The following SHROOM3 variants were observed in gnomAD, a reference collection of about 807,000 sequenced individuals.
SHROOM3 encodes protein Shroom3.
Under a neutral mutation model 138.6 loss-of-function variants are expected in SHROOM3, and 47 were observed. The ratio of observed to expected loss-of-function variants is 0.34; its 90% CI spans 0.27 to 0.43. SHROOM3 has a LOEUF of 0.43. Among genes scored for constraint, SHROOM3 ranks in the 20% least tolerant of loss-of-function variants. The pLI is 1.00. For missense variants in SHROOM3, 2,491 were observed against 2,596.5 expected, an observed-to-expected ratio of 0.96 and a Z score of 0.88; for synonymous variants, 1,062 against 1,063.3, an observed-to-expected ratio of 1.00 and a Z score of 0.02.
At chr4:76,446,162 A>C (rs1052334612) in intron 1 of SHROOM3, among the ~76,000 whole-genome samples, 3 of 152,190 alleles carry the variant, frequency 2.0e-5, no homozygotes, top group Admixed American at 6.5e-5. Flanking sequence ...CTATAGGTGG[A>C]GAGACTGGAC....
chr4:76,582,554 T>C (rs1179599133), intron 2 of SHROOM3, among the ~76,000 whole-genome samples: 3 of 152,204 alleles, frequency 2.0e-5, no homozygotes, highest in Non-Finnish European at 4.4e-5. Flanking sequence ...TGGTCTGCAG[T>C]TCATCAACAG....
chr4:76,562,751 A>G (rs185393673), intron 2 of SHROOM3, among the ~76,000 whole-genome samples: 29 of 152,332 alleles, frequency 1.9e-4, no homozygotes, highest in Non-Finnish European at 3.5e-4. Flanking sequence ...TTTGAGATTA[A>G]CCACCTGATG....
chr4:76,742,683 C>G (rs1308690540), intron 5 of SHROOM3, among the ~76,000 whole-genome samples: 2 of 152,336 alleles, frequency 1.3e-5, no homozygotes, highest in South Asian at 2.1e-4. Flanking sequence ...GCTGAGCATT[C>G]TGACTCCTAG....
At chr4:76,772,004 A>G (rs927065875) in intron 10 of SHROOM3, among the ~76,000 whole-genome samples, 2 of 151,434 alleles carry the variant, frequency 1.3e-5, no homozygotes, top group South Asian at 4.2e-4. Context: ...TGCACACAGT[A>G]TGTGTGTGTA....
At position 76,770,892 on chromosome 4, in the gene SHROOM3, A is replaced by G. The variant is rs775726676; in HGVS notation, c.5616A>G (p.Glu1872=). The change falls in exon 10 of 11, where the codon GAA becomes GAG. Residue 1872 remains glutamate (E), a synonymous_variant. Transcript: ENST00000296043. ...LSGLGEDASN[E]ERSSLYEKRK... ...GCCTTGGTGAAGATGCCAGTAATGA[A>G]GAAAGGGTAGGTGGCCTAGTGATGC... 8.7e-6 allele frequency: 14 copies of G among 1,614,244 alleles called. No homozygotes were observed. The highest frequency in any genetic ancestry group is 1.2e-5 in the Non-Finnish European group (14 of 1,180,044).
intron 2 of SHROOM3, chr4:76,628,729 G>A (rs1406435057): frequency 6.6e-6 from 1 of 151,884 alleles, no homozygotes; most frequent in Non-Finnish European, 1.5e-5. Context: ...AATATTTGAA[G>A]GGCATTTAAA....
In SHROOM3 at chr4:76,740,310, G is replaced by T; in HGVS notation, c.2137G>T (p.Gly713Trp). ...TGGGAGGAAAGCCGCTCCTGACCTC[G>T]GGAGCCATCTGGACCGGCAGGTTTC... ...DPGRKAAPDLGSHLDRQVSYP... is the reference protein window; with the variant it reads ...DPGRKAAPDLWSHLDRQVSYP... The change falls in exon 5 of 11, where the codon GGG becomes TGG. Residue 713 changes from glycine (G) to tryptophan (W), a missense_variant. By Grantham distance (184) the Gly-to-Trp change is radical. Transcript: ENST00000296043. This position sits in a 1 kb window ranked among gnomAD's most constrained non-coding sequence, Gnocchi z 4.0. 1 of 1,613,136 alleles carries T rather than the reference G, an allele frequency of 6.2e-7. No homozygotes were observed. Among genetic ancestry groups the T allele is most frequent in the African/African-American group, 1.3e-5 (1 of 75,072 alleles).
At chr4:76,688,917 G>A in intron 2 of SHROOM3, 7 of 984,802 alleles carry the variant, frequency 7.1e-6, no homozygotes, top group Non-Finnish European at 7.2e-6. Flanking sequence ...ACTGAGAAGA[G>A]GGCATGCTGA....
Position 76,754,654 on chromosome 4 carries a change from G to A in SHROOM3, c.4171G>A (p.Gly1391Ser). 2 of 1,614,162 alleles carry A rather than the reference G, an allele frequency of 1.2e-6. No homozygotes were observed. Among genetic ancestry groups the A allele is most frequent in the South Asian group, 2.2e-5 (2 of 91,086 alleles). ...YTPAMMHRSN[G>S]HTLTQPPGPR... is the part of the protein sequence containing the mutation. ...CCCTGCCATGATGCACAGAAGCAATGGTCACACCCTGACCCAGCCTCCCGG... is the reference window on the plus strand; with the variant it reads ...CCCTGCCATGATGCACAGAAGCAATAGTCACACCCTGACCCAGCCTCCCGG... The change falls in exon 7 of 11, where the codon GGT (glycine) becomes AGT (serine). Residue 1391 changes from glycine (G) to serine (S), a missense_variant. By Grantham distance (56) the Gly-to-Ser change is moderately conservative. Coordinates refer to ENST00000296043, the MANE Select transcript of SHROOM3 (RefSeq NM_020859.4).
intron 2 of SHROOM3, among the ~76,000 whole-genome samples, chr4:76,596,581 AACACACACACACACACACAC>A (rs58214296): frequency 2.2e-5 from 3 of 138,224 alleles, no homozygotes; most frequent in East Asian, 4.4e-4. Flanking sequence ...GGTACAGAGA[AACACACACACACACACACAC>A]ACACACACAC....
At position 76,523,420 on chromosome 4, in the gene SHROOM3, A is replaced by G. The variant is rs555272565; in HGVS notation, c.169-32189A>G. ...ACCCAGTAAGGTATATAAAGATATTACAGAGGGAGAGGGAGGGTGTATAGG... is the reference window on the plus strand; with the variant it reads ...ACCCAGTAAGGTATATAAAGATATTGCAGAGGGAGAGGGAGGGTGTATAGG... On this transcript the variant is annotated intron_variant, in intron 1 of 10. Coordinates refer to ENST00000296043, the MANE Select transcript of SHROOM3 (RefSeq NM_020859.4). Among the ~76,000 whole-genome samples, 17 of 152,310 alleles carry G rather than the reference A, an allele frequency of 1.1e-4. No individual in the cohort carries two copies. In the East Asian group the frequency reaches 3.3e-3, roughly 29 times the overall value.
intron 3 of SHROOM3, among the ~76,000 whole-genome samples, chr4:76,725,710 C>T (rs1720686394): frequency 6.6e-6 from 1 of 152,168 alleles, no homozygotes; most frequent in African/African-American, 2.4e-5. Flanking sequence ...TTTCGTGCTA[C>T]CTACTTGCTT....
intron 2 of SHROOM3, among the ~76,000 whole-genome samples, chr4:76,608,235 A>G (rs890774036): frequency 6.6e-6 from 1 of 152,236 alleles, no homozygotes; most frequent in Non-Finnish European, 1.5e-5. Context: ...CACAGTTTTT[A>G]GCTCTCGAGG....
intron 1 of SHROOM3, among the ~76,000 whole-genome samples, chr4:76,474,206 C>T (rs1485202616): frequency 6.6e-6 from 1 of 152,108 alleles, no homozygotes; most frequent in East Asian, 1.9e-4. Flanking sequence ...TTGTATAATT[C>T]CATTTATAAG....
At chr4:76,719,920 T>G (rs192029788) in intron 3 of SHROOM3, among the ~76,000 whole-genome samples, 1 of 152,288 alleles carries the variant, frequency 6.6e-6, no homozygotes, top group East Asian at 1.9e-4. Context: ...GCGTTATGAC[T>G]GCACATTAGC....
At chr4:76,560,479 T>C (rs1277694419) in intron 2 of SHROOM3, among the ~76,000 whole-genome samples, 2 of 152,210 alleles carry the variant, frequency 1.3e-5, no homozygotes, top group Non-Finnish European at 2.9e-5. Context: ...TTAGAATCAA[T>C]GAATCCTTAA....
intron 2 of SHROOM3, among the ~76,000 whole-genome samples, chr4:76,604,067 C>T (rs1037527522): frequency 1.4e-4 from 21 of 151,836 alleles, no homozygotes; most frequent in African/African-American, 1.7e-4. Context: ...CCTCATGATC[C>T]GCCCACCTCG....
At chr4:76,697,312 G>A (rs985001913) in intron 2 of SHROOM3, among the ~76,000 whole-genome samples, 3 of 152,090 alleles carry the variant, frequency 2.0e-5, no homozygotes, top group African/African-American at 7.2e-5. Context: ...GTGGGCCCCA[G>A]AGTTGAGGCA....
In SHROOM3 at chr4:76,739,578, C is replaced by G. The variant is rs344141; in HGVS notation, c.1405C>G (p.Pro469Ala). The change falls in exon 5 of 11, where the codon CCG (proline) becomes GCG (alanine). Residue 469 changes from proline (P) to alanine (A), a missense_variant. Physicochemically the swap from Pro to Ala is conservative, Grantham distance 27. Transcript: ENST00000296043. ...GQPLLPTSIY[P>A]VPSLEPHFAQ... ...ACCTCTGCTGCCGACCAGCATCTAC[C>G]CGGTACCTTCCCTGGAGCCACACTT... 936,282 of 1,613,930 alleles carry G rather than the reference C, an allele frequency of 0.58. 277,640 individuals carry two copies. Among genetic ancestry groups the G allele is most frequent in the Non-Finnish European group, 0.62 (726,555 of 1,179,956 alleles).
Sources: allele counts gnomAD v4.1 joint callset (sites outside exome capture counted in the v4.1 genomes callset), GRCh38; gene constraint gnomAD v4.1.1; non-coding constraint Gnocchi (gnomAD v3.1); transcripts MANE v1.5; gene names NCBI Gene and HGNC (gene_info 2026-07-23, HGNC 2026-07-21).